The following ZFPM1 variants were observed in gnomAD, a reference collection of about 807,000 sequenced individuals.
ZFPM1 encodes the protein zinc finger protein, FOG family member 1, also known as zinc finger protein ZFPM1.
Under a neutral mutation model 46.3 loss-of-function variants are expected in ZFPM1, and 28 were observed. The observed-to-expected ratio is 0.60, with a 90% confidence interval of 0.45 to 0.83. The LOEUF (loss-of-function observed/expected upper bound fraction) is 0.83, where lower values mean the gene tolerates loss of function less well. ZFPM1 is among the 40% of genes least tolerant of loss of function. The probability of loss-of-function intolerance (pLI) is 0.00; values close to 1 mark genes in which losing one functional copy is unlikely to be tolerated. For synonymous variants in ZFPM1, 957 were observed against 675.9 expected (o/e 1.42, Z -6.45); for missense variants, 1,878 against 1,432.4 (o/e 1.31, Z -5.02).
rs917632358 is a variant in ZFPM1, at chr16:88,469,692, C to T, written c.40+16014C>T. On this transcript the variant is annotated intron_variant, in intron 1 of 9. Transcript: ENST00000319555. This position sits in a 1 kb window ranked among gnomAD's most constrained non-coding sequence, Gnocchi z 4.3. ...GGAGGCCCTGTCAGCTCCCACGGCA[C>T]CTGAAAATCAGCCACAGGTGTGGGT... Among the ~76,000 whole-genome samples the T allele has an allele frequency of 6.6e-6, 1 of 152,172 alleles. No individual in the cohort carries two copies. Among genetic ancestry groups the T allele is most frequent in the African/African-American group, 2.4e-5 (1 of 41,436 alleles).
intron 1 of ZFPM1, among the ~76,000 whole-genome samples, chr16:88,456,174 G>A (rs1431721104): frequency 6.6e-6 from 1 of 152,206 alleles, no homozygotes; most frequent in Non-Finnish European, 1.5e-5. Context: ...CTCCCCTGTG[G>A]CCGGTGGTAC....
intron 4 of ZFPM1, chr16:88,515,975 C>G: frequency 2.5e-6 from 1 of 396,178 alleles, no homozygotes. Flanking sequence ...GTCAAGAAAA[C>G]CCATAGGTAG....
At position 88,533,709 on chromosome 16, in the gene ZFPM1, TCA is replaced by T; in HGVS notation, c.1753_1754del (p.Thr585LeufsTer86). 1 of 1,497,282 alleles carries T rather than the reference TCA, an allele frequency of 6.7e-7. No individual in the cohort carries two copies. The highest frequency in any genetic ancestry group is 9.0e-7 in the Non-Finnish European group (1 of 1,116,176). 92.7% of individuals were successfully genotyped at this position (1,497,282 alleles called of 1,614,324 possible). A position where few individuals can be genotyped will look rare whatever the true frequency, so the allele number is the denominator to read the frequency against. On this transcript the variant is annotated frameshift_variant, in exon 10 of 10. Transcript: ENST00000319555. LOFTEE classifies it low-confidence loss of function (END_TRUNC). ...GGCGCTACGTGCTTCGAGTGCGAGATCACCTTCAGCAACGTCAACAACTACTA... is the reference window on the plus strand; with the variant it reads ...GGCGCTACGTGCTTCGAGTGCGAGATCCTTCAGCAACGTCAACAACTACTA...
Position 88,535,063 on chromosome 16 carries a change from C to G in ZFPM1, c.*84C>G. On this transcript the variant is annotated 3_prime_UTR_variant, in exon 10 of 10. Coordinates refer to ENST00000319555, the MANE Select transcript of ZFPM1 (RefSeq NM_153813.3). Reference sequence around the variant, plus strand: ...CGCCCCCAGGCCGCACGGACTGCCGCTCCTGGGAACCCCGCCACGCACAGG... The same window carrying G: ...CGCCCCCAGGCCGCACGGACTGCCGGTCCTGGGAACCCCGCCACGCACAGG... 7.5e-7 allele frequency: 1 copy of G among 1,335,564 alleles called. No individual in the cohort carries two copies. The highest frequency in any genetic ancestry group is 9.6e-7 in the Non-Finnish European group (1 of 1,036,986). The allele number at this position is 1,335,564 out of a possible 1,614,324, so 82.7% of individuals were successfully genotyped here.
At chr16:88,506,886 G>A (rs909540203) in intron 3 of ZFPM1, among the ~76,000 whole-genome samples, 3 of 152,194 alleles carry the variant, frequency 2.0e-5, no homozygotes, top group African/African-American at 7.2e-5. Flanking sequence ...CCCGTCACCC[G>A]CGTCTCATCC....
chr16:88,455,511 GCGGCGCCCGCCCGC>G (rs1907506208), intron 1 of ZFPM1, among the ~76,000 whole-genome samples: 1 of 151,646 alleles, frequency 6.6e-6, no homozygotes, highest in African/African-American at 2.4e-5. Flanking sequence ...TCACCAAGCG[GCGGCGCCCGCCCGC>G]CCGCCCTCTT....
At chr16:88,509,323 G>A (rs962516729) in intron 3 of ZFPM1, among the ~76,000 whole-genome samples, 12 of 152,264 alleles carry the variant, frequency 7.9e-5, no homozygotes, top group South Asian at 2.1e-4. Context: ...GCCACAGGGC[G>A]GGGCCGGGCG....
intron 3 of ZFPM1, among the ~76,000 whole-genome samples, chr16:88,501,402 G>A (rs376986708): frequency 5.7e-5 from 7 of 122,588 alleles, no homozygotes; most frequent in East Asian, 2.6e-4. Flanking sequence ...TCCCGCAGGT[G>A]CTGGTGATGA....
At chr16:88,468,686 C>T (rs1474826839) in intron 1 of ZFPM1, among the ~76,000 whole-genome samples, 1 of 152,102 alleles carries the variant, frequency 6.6e-6, no homozygotes. Context: ...AGGGCCCCGC[C>T]CCCCAGAGCC....
At chr16:88,528,743 T>C (rs1912546291) in intron 6 of ZFPM1, among the ~76,000 whole-genome samples, 1 of 44,836 alleles carries the variant, frequency 2.2e-5, no homozygotes, top group South Asian at 6.7e-4. Context: ...TGGGTTTTTG[T>C]TGTTTTTTTT....
intron 4 of ZFPM1, among the ~76,000 whole-genome samples, chr16:88,523,222 A>G (rs931035344): frequency 2.6e-5 from 4 of 151,392 alleles, no homozygotes; most frequent in African/African-American, 7.3e-5. Context: ...AAAAAAAAAA[A>G]TAGGCCCCCT....
At position 88,501,381 on chromosome 16, in the gene ZFPM1, G is replaced by A. The variant is rs866558076; in HGVS notation, c.268+12228G>A. Among the ~76,000 whole-genome samples the A allele has an allele frequency of 1.5e-4, 14 of 95,768 alleles. 1 individual carries two copies. The highest frequency in any genetic ancestry group is 4.9e-4 in the African/African-American group (12 of 24,724). The allele number at this position is 95,768 out of a possible 152,430, so 62.8% of individuals were successfully genotyped here. ...GTGATGATGGAGATAGCAGACATGGGTGCGGGGCCCTCCCGCAGGTGCTGG... is the reference window on the plus strand; with the variant it reads ...GTGATGATGGAGATAGCAGACATGGATGCGGGGCCCTCCCGCAGGTGCTGG... On this transcript the variant is annotated intron_variant, in intron 3 of 9. Transcript: ENST00000319555.
chr16:88,462,415 A>G (rs1382056485), intron 1 of ZFPM1, among the ~76,000 whole-genome samples: 1 of 152,198 alleles, frequency 6.6e-6, no homozygotes, highest in African/African-American at 2.4e-5. Flanking sequence ...TTCTCCACCC[A>G]TTTCGCACGT....
At position 88,469,071 on chromosome 16, in the gene ZFPM1, C is replaced by G. The variant is rs541711186; in HGVS notation, c.40+15393C>G. On this transcript the variant is annotated intron_variant, in intron 1 of 9. Coordinates refer to ENST00000319555, the MANE Select transcript of ZFPM1 (RefSeq NM_153813.3). The surrounding 1 kb of genome is among the most constrained non-coding windows in gnomAD (Gnocchi z 4.3). ...GAGAGGAGTGCAGCCAGCAGCCACT[C>G]CCAGATGGGAACAGCGAGTTTCACA... The G allele has an allele frequency of 5.8e-5, 9 of 154,440 alleles. No homozygotes were observed. The highest frequency in any genetic ancestry group is 1.0e-3 in the Middle Eastern group (2 of 1,916). The allele number at this position is 154,440 out of a possible 1,614,324, so 9.6% of individuals were successfully genotyped here.
rs1023052226 is a variant in ZFPM1 at position 88,483,538 on chromosome 16, G to A, written c.41-2401G>A. Among the ~76,000 whole-genome samples the A allele has an allele frequency of 1.1e-4, 17 of 152,252 alleles. No homozygotes were observed. In the East Asian group the frequency reaches 1.9e-3, roughly 17 times the overall value. On this transcript the variant is annotated intron_variant, in intron 1 of 9. Transcript: ENST00000319555. The stretch of plus-strand genomic sequence containing the variant: ...ACTGTTCCCTCCGAGATCTACCGGC[G>A]GCAGCCCCTCCCATCCCCGTGTTTT...
At position 88,534,373 on chromosome 16, in the gene ZFPM1, C is replaced by G. The variant is rs549607263; in HGVS notation, c.2415C>G (p.Leu805=). The G allele has an allele frequency of 2.8e-6, 4 of 1,444,442 alleles. No individual in the cohort carries two copies. The South Asian group carries it at 3.9e-5, about 14-fold the overall frequency. The allele number at this position is 1,444,442 out of a possible 1,614,324, so 89.5% of individuals were successfully genotyped here. The part of the protein sequence containing the change: ...IDLSKKPRRP[L]PGAPAPALAD... ...TGAGCAAGAAGCCGCGGCGCCCGCT[C>G]CCCGGAGCCCCGGCACCGGCGCTGG... is the stretch of plus-strand genomic sequence containing the variant. The change falls in exon 10 of 10, where the codon CTC becomes CTG. Residue 805 remains leucine, a synonymous_variant. Transcript: ENST00000319555.
intron 3 of ZFPM1, among the ~76,000 whole-genome samples, chr16:88,503,394 T>C (rs1016817700): frequency 1.2e-4 from 16 of 129,508 alleles, no homozygotes; most frequent in Non-Finnish European, 1.6e-5. Flanking sequence ...GGGCCACGGT[T>C]CCTGAGTGCA....
At chr16:88,495,927 G>A (rs936082978) in intron 3 of ZFPM1, among the ~76,000 whole-genome samples, 1 of 152,208 alleles carries the variant, frequency 6.6e-6, no homozygotes, top group Non-Finnish European at 1.5e-5. Context: ...CCGCCTGTGA[G>A]GTGGGAGCTG....
chr16:88,477,322 C>T (rs1326620930), intron 1 of ZFPM1, among the ~76,000 whole-genome samples: 1 of 152,256 alleles, frequency 6.6e-6, no homozygotes, highest in African/African-American at 2.4e-5. Flanking sequence ...TTCAGTGACT[C>T]CTTTCAGACT....
Sources: gnomAD v4.1 joint callset for allele counts (sites outside exome capture counted in the v4.1 genomes callset) on GRCh38, gnomAD v4.1.1 for gene constraint, Gnocchi (gnomAD v3.1) non-coding constraint, MANE v1.5 for transcripts, NCBI Gene and HGNC (gene_info 2026-07-23, HGNC 2026-07-21) for gene names.